The following PCDHA12 variants were observed in gnomAD, a reference collection of about 807,000 sequenced individuals.
The protein encoded by PCDHA12 is protocadherin alpha-12.
In PCDHA12, 44 loss-of-function variants were observed where a neutral mutation model predicts 60.0. The observed-to-expected ratio is 0.73, with a 90% CI of 0.58 to 0.94. PCDHA12 has a LOEUF of 0.94. PCDHA12 is among the 40% of genes least tolerant of loss of function. The probability of loss-of-function intolerance (pLI) is 0.00; values close to 1 mark genes in which losing one functional copy is unlikely to be tolerated. For missense variants in PCDHA12, 1,276 were observed against 1,239.7 expected, an observed-to-expected ratio of 1.03 and a Z score of -0.44; for synonymous variants, 569 against 553.0, an observed-to-expected ratio of 1.03 and a Z score of -0.40.
At chr5:140,883,628 G>A (rs903824034) in intron 1 of PCDHA12, 1 of 1,613,884 alleles carries the variant, frequency 6.2e-7, no homozygotes, top group Admixed American at 1.7e-5. Context: ...CAACGCGCCG[G>A]CGTTCGCGCA....
At chr5:140,962,348 C>T (rs2095675606) in intron 1 of PCDHA12, among the ~76,000 whole-genome samples, 1 of 152,130 alleles carries the variant, frequency 6.6e-6, no homozygotes, top group South Asian at 2.1e-4. Flanking sequence ...AGTAAAACTC[C>T]CCCCAATACT....
intron 1 of PCDHA12, among the ~76,000 whole-genome samples, chr5:140,935,834 C>G (rs1037488504): frequency 1.3e-5 from 2 of 151,624 alleles, no homozygotes; most frequent in African/African-American, 2.4e-5. Flanking sequence ...ACACATATTC[C>G]ATACTGCTTA....
chr5:140,969,028 A>G (rs1554231371), intron 1 of PCDHA12: 1 of 1,614,208 alleles, frequency 6.2e-7, no homozygotes, highest in Non-Finnish European at 8.5e-7. Context: ...GGTCCCCTGC[A>G]GAACTGTACA....
At chr5:140,931,405 G>A (rs1395168165) in intron 1 of PCDHA12, among the ~76,000 whole-genome samples, 1 of 151,984 alleles carries the variant, frequency 6.6e-6, no homozygotes, top group South Asian at 2.1e-4. Flanking sequence ...CGATAGGAAG[G>A]CTGATGAATC....
chr5:140,893,922 G>C (rs1179113151), intron 1 of PCDHA12, among the ~76,000 whole-genome samples: 4 of 152,156 alleles, frequency 2.6e-5, no homozygotes. Context: ...GTCTTTTTCA[G>C]AATCTCTACC....
intron 1 of PCDHA12, chr5:140,927,277 GTGCAGC>G: frequency 6.2e-7 from 1 of 1,614,016 alleles, no homozygotes; most frequent in Non-Finnish European, 8.5e-7. Flanking sequence ...TGCCGGCGAC[GTGCAGC>G]TGCACATCCC....
At chr5:140,880,694 A>C (rs1254061280) in intron 1 of PCDHA12, among the ~76,000 whole-genome samples, 1 of 152,228 alleles carries the variant, frequency 6.6e-6, no homozygotes, top group Non-Finnish European at 1.5e-5. Context: ...AGTCATGGTT[A>C]AGTGACAATG....
intron 1 of PCDHA12, among the ~76,000 whole-genome samples, chr5:140,895,848 G>C (rs147299280): frequency 2.2e-3 from 342 of 152,098 alleles, no homozygotes; most frequent in African/African-American, 8.1e-3. Context: ...TCTCACTCTT[G>C]TACCCCAGGC....
rs543488933 is a variant in PCDHA12, at chr5:140,915,492, A to G, written c.2367+37653A>G. The stretch of plus-strand genomic sequence containing the variant: ...TGAAGGAGCTTGGGCCTCAATCCCA[A>G]TAATACTGTGGTTTTTGCAGACTAG... On this transcript the variant is annotated intron_variant, in intron 1 of 3. Coordinates refer to ENST00000398631, the MANE Select transcript of PCDHA12 (RefSeq NM_018903.4). 2.0e-5 allele frequency among the ~76,000 whole-genome samples: 3 copies of G among 152,232 alleles called. No homozygotes were observed. The South Asian group carries it at 6.2e-4, about 32-fold the overall frequency.
chr5:140,897,881 C>G (rs1417702752), intron 1 of PCDHA12, among the ~76,000 whole-genome samples: 1 of 152,312 alleles, frequency 6.6e-6, no homozygotes, highest in Admixed American at 6.5e-5. Context: ...GATTGCCATT[C>G]TAACTGGTGT....
intron 1 of PCDHA12, among the ~76,000 whole-genome samples, chr5:140,885,128 T>A (rs2060480813): frequency 6.6e-6 from 1 of 152,222 alleles, no homozygotes; most frequent in Non-Finnish European, 1.5e-5. Context: ...CTTTTCTTTC[T>A]TTCTTTTTTT....
At chr5:140,967,730 G>A (rs2096176474) in intron 1 of PCDHA12, 1 of 1,614,146 alleles carries the variant, frequency 6.2e-7, no homozygotes, top group Non-Finnish European at 8.5e-7. Context: ...AGTAATTGGG[G>A]GGCTGGATTA....
intron 1 of PCDHA12, among the ~76,000 whole-genome samples, chr5:140,953,785 T>C (rs2094935669): frequency 6.6e-6 from 1 of 152,224 alleles, no homozygotes. Context: ...TTTATTTTTT[T>C]CTTCAACTTT....
At chr5:140,949,005 A>G (rs1554218775) in intron 1 of PCDHA12, among the ~76,000 whole-genome samples, 1 of 151,654 alleles carries the variant, frequency 6.6e-6, no homozygotes, top group African/African-American at 2.4e-5. Context: ...ACTAATTTTT[A>G]TATGTGATGT....
intron 1 of PCDHA12, among the ~76,000 whole-genome samples, chr5:140,906,069 T>C (rs2072342341): frequency 6.6e-6 from 1 of 152,204 alleles, no homozygotes; most frequent in African/African-American, 2.4e-5. Flanking sequence ...GCTGATTAGA[T>C]CGCACCCACC....
chr5:140,906,893 GT>G (rs1191460812), intron 1 of PCDHA12, among the ~76,000 whole-genome samples: 7 of 152,170 alleles, frequency 4.6e-5, no homozygotes, highest in Admixed American at 6.5e-5. Context: ...TTCTTAGATT[GT>G]TGGTTTAAAG....
At chr5:140,896,226 T>G (rs1554186874) in intron 1 of PCDHA12, among the ~76,000 whole-genome samples, 1 of 152,242 alleles carries the variant, frequency 6.6e-6, no homozygotes, top group African/African-American at 2.4e-5. Flanking sequence ...GTCTTTATAG[T>G]AGAATGACTT....
chr5:140,961,336 G>C (rs2095605046), intron 1 of PCDHA12, among the ~76,000 whole-genome samples: 1 of 152,178 alleles, frequency 6.6e-6, no homozygotes, highest in African/African-American at 2.4e-5. Context: ...GAGAGACCAA[G>C]AGTGGATCCC....
intron 1 of PCDHA12, chr5:140,968,411 G>C (rs895173088): frequency 1.9e-6 from 3 of 1,614,012 alleles, no homozygotes; most frequent in South Asian, 1.1e-5. Context: ...CTTTGTGACT[G>C]TGGAGGCTCA....
Sources: gnomAD v4.1 joint callset for allele counts (sites outside exome capture counted in the v4.1 genomes callset) on GRCh38, gnomAD v4.1.1 for gene constraint, MANE v1.5 for transcripts, NCBI Gene and HGNC (gene_info 2026-07-23, HGNC 2026-07-21) for gene names.